SMARCC1: variants seen among roughly 807,000 people sequenced by gnomAD.
SMARCC1 encodes the protein SWI/SNF related BAF chromatin remodeling complex subunit C1, also known as SWI/SNF complex subunit SMARCC1.
SMARCC1 carries 43 observed loss-of-function variants against 147.4 expected under a neutral mutation model. That is an observed-to-expected ratio of 0.29 (90% CI 0.23 to 0.38). SMARCC1 has a LOEUF of 0.38. Among genes scored for constraint, SMARCC1 ranks in the 10% least tolerant of loss-of-function variants. SMARCC1 has a pLI of 1.00. For synonymous variants in SMARCC1, 495 were observed against 484.4 expected (o/e 1.02, Z -0.29); for missense variants, 1,119 against 1,381.1 (o/e 0.81, Z 3.01).
intron 7 of SMARCC1, among the ~76,000 whole-genome samples, chr3:47,719,881 G>A (rs1484827282): frequency 1.3e-5 from 2 of 151,018 alleles, no homozygotes; most frequent in South Asian, 2.1e-4. Context: ...GATTACAGGC[G>A]TGCGCTACCA....
At chr3:47,650,340 T>A (rs1263268643) in intron 21 of SMARCC1, among the ~76,000 whole-genome samples, 1 of 148,734 alleles carries the variant, frequency 6.7e-6, no homozygotes, top group Non-Finnish European at 1.5e-5. Flanking sequence ...ATAAAAACAT[T>A]TCTTTAGATA....
chr3:47,705,262 T>C (rs890139807), intron 10 of SMARCC1, among the ~76,000 whole-genome samples: 5 of 145,762 alleles, frequency 3.4e-5, no homozygotes, highest in Non-Finnish European at 7.4e-5. Flanking sequence ...GAGGCAGAGG[T>C]TGCAGTGAGC....
At chr3:47,645,679 T>C (rs1394443279) in intron 21 of SMARCC1, among the ~76,000 whole-genome samples, 1 of 152,222 alleles carries the variant, frequency 6.6e-6, no homozygotes, top group African/African-American at 2.4e-5. Flanking sequence ...AGAGACTGAA[T>C]AAGTATAATG....
At chr3:47,594,559 G>A (rs1192041691) in intron 26 of SMARCC1, among the ~76,000 whole-genome samples, 2 of 152,098 alleles carry the variant, frequency 1.3e-5, no homozygotes, top group African/African-American at 4.8e-5. Context: ...GAACACTAAA[G>A]GCATACGAGG....
At chr3:47,762,871 C>G (rs1041792670) in intron 2 of SMARCC1, among the ~76,000 whole-genome samples, 1 of 152,128 alleles carries the variant, frequency 6.6e-6, no homozygotes, top group Non-Finnish European at 1.5e-5. Context: ...TCGAGACCAT[C>G]CTGGCTAACA....
At chr3:47,695,930 G>A (rs76648187) in intron 11 of SMARCC1, among the ~76,000 whole-genome samples, 122,926 of 123,080 alleles carry the variant, frequency 1, 61,386 homozygotes, top group Non-Finnish European at 1. Context: ...AGCCGGGCGT[G>A]GTGGTGCATG....
At chr3:47,618,689 A>AAT (rs1211217930) in intron 25 of SMARCC1, among the ~76,000 whole-genome samples, 9 of 152,206 alleles carry the variant, frequency 5.9e-5, no homozygotes, top group Non-Finnish European at 1.0e-4. Flanking sequence ...TCTGGGGGCC[A>AAT]GTAGACAGAA....
intron 26 of SMARCC1, 127 bp downstream of exon 26, chr3:47,609,939 T>G: frequency 9.9e-7 from 1 of 1,010,868 alleles, no homozygotes. Flanking sequence ...CCTACAATTT[T>G]CTAGATGACA....
intron 7 of SMARCC1, among the ~76,000 whole-genome samples, chr3:47,718,364 G>A (rs1221513736): frequency 1.3e-5 from 2 of 151,784 alleles, no homozygotes; most frequent in Non-Finnish European, 2.9e-5. Flanking sequence ...AGAATCGCTA[G>A]AACCAGGGAG....
chr3:47,699,278 C>T (rs745803869), intron 11 of SMARCC1, among the ~76,000 whole-genome samples: 9 of 152,150 alleles, frequency 5.9e-5, no homozygotes, highest in African/African-American at 1.7e-4. Context: ...TATAAATTCA[C>T]TAGAAAACAG....
intron 25 of SMARCC1, among the ~76,000 whole-genome samples, chr3:47,612,324 C>T (rs559566265): frequency 1.3e-5 from 2 of 152,214 alleles, no homozygotes; most frequent in South Asian, 4.1e-4. Context: ...TAAGAGGTGG[C>T]CAGAAAACAT....
rs192448557 is a variant in SMARCC1 at position 47,706,203 on chromosome 3, C to G, written c.1040+206G>C. The stretch of plus-strand genomic sequence containing the variant: ...TCTCCAGCCTCAGCCTCCCAAGTAG[C>G]TGGGATGACAGGCGTGCACCACCGT... On this transcript the variant is annotated intron_variant, in intron 10 of 27. Transcript: ENST00000254480. Among the ~76,000 whole-genome samples the G allele has an allele frequency of 1.9e-3, 282 of 151,536 alleles. 6 individuals are homozygous for G. The highest frequency in any genetic ancestry group is 7.8e-4 in the East Asian group (4 of 5,160).
intron 21 of SMARCC1, among the ~76,000 whole-genome samples, chr3:47,640,395 G>A (rs1263535590): frequency 2.0e-5 from 3 of 151,996 alleles, no homozygotes; most frequent in African/African-American, 7.2e-5. Flanking sequence ...ACTATATGAG[G>A]AATGGATGAA....
At chr3:47,654,894 T>C (rs2033240853) in intron 21 of SMARCC1, among the ~76,000 whole-genome samples, 1 of 152,140 alleles carries the variant, frequency 6.6e-6, no homozygotes, top group Admixed American at 6.5e-5. Context: ...CCCAACACCA[T>C]AACACTGGGG....
chr3:47,725,545 G>A (rs1313954132), intron 6 of SMARCC1, among the ~76,000 whole-genome samples: 1 of 151,994 alleles, frequency 6.6e-6, no homozygotes, highest in Non-Finnish European at 1.5e-5. Context: ...CCGCCTCCTG[G>A]GTTTGAGCAA....
At chr3:47,657,880 AG>A (rs1175018612) in intron 21 of SMARCC1, among the ~76,000 whole-genome samples, 4 of 152,078 alleles carry the variant, frequency 2.6e-5, no homozygotes, top group Non-Finnish European at 5.9e-5. Flanking sequence ...CAAAACTTAT[AG>A]AATGTCGCAA....
rs774245888 is a variant in SMARCC1 at position 47,710,667 on chromosome 3, G to A, written c.918+16C>T. 3.1e-6 allele frequency: 5 copies of A among 1,611,394 alleles called. No homozygotes were observed. Among genetic ancestry groups the A allele is most frequent in the Non-Finnish European group, 3.4e-6 (4 of 1,178,966 alleles). On this transcript the variant is annotated intron_variant, in intron 9 of 27. Transcript: ENST00000254480. The stretch of plus-strand genomic sequence containing the variant: ...AAGACAGACTTAATGATGAGAAACT[G>A]TGCCAAAGAAAATACCTCTTCATTC...
At chr3:47,609,215 G>A (rs544022803) in intron 26 of SMARCC1, among the ~76,000 whole-genome samples, 6 of 152,248 alleles carry the variant, frequency 3.9e-5, no homozygotes, top group African/African-American at 1.4e-4. Flanking sequence ...TAAGACTCCC[G>A]GCCAGGCGCA....
chr3:47,619,835 T>G (rs1576389538), intron 25 of SMARCC1, among the ~76,000 whole-genome samples: 2 of 152,188 alleles, frequency 1.3e-5, no homozygotes, highest in Non-Finnish European at 2.9e-5. Flanking sequence ...AGCCTCTTCC[T>G]ACTTTTGGGG....
Sources: gnomAD v4.1 joint callset for allele counts (sites outside exome capture counted in the v4.1 genomes callset) on GRCh38, gnomAD v4.1.1 for gene constraint, MANE v1.5 for transcripts, NCBI Gene and HGNC (gene_info 2026-07-23, HGNC 2026-07-21) for gene names.